Variants in DNAI7 observed in about 807,000 individuals in gnomAD.
The protein encoded by DNAI7 is cancer susceptibility 1.
A neutral mutation model predicts 86.6 loss-of-function variants in DNAI7; 78 were observed. That is an observed-to-expected ratio of 0.90 (90% CI 0.75 to 1.09). The LOEUF (loss-of-function observed/expected upper bound fraction) is 1.09, where lower values mean the gene tolerates loss of function less well. Ranked by LOEUF, DNAI7 falls within the 50% of genes least tolerant of loss-of-function variation. DNAI7 has a pLI of 0.00. For synonymous variants in DNAI7, 274 were observed against 273.0 expected (o/e 1.00, Z -0.04); for missense variants, 753 against 810.2 (o/e 0.93, Z 0.86).
chr12:25,181,212 G>A (rs1049598580), intron 2 of DNAI7, among the ~76,000 whole-genome samples: 1 of 152,116 alleles, frequency 6.6e-6, no homozygotes, highest in South Asian at 2.1e-4. Flanking sequence ...CTGGGCTCAC[G>A]CAATTCTCCC....
chr12:25,171,470 A>G (rs1348644225), intron 2 of DNAI7, among the ~76,000 whole-genome samples: 1 of 152,168 alleles, frequency 6.6e-6, no homozygotes, highest in Non-Finnish European at 1.5e-5. Context: ...TGAGATTGAA[A>G]TGGTAATTTA....
At chr12:25,132,235 T>TA (rs1268225485) in intron 9 of DNAI7, among the ~76,000 whole-genome samples, 4 of 152,086 alleles carry the variant, frequency 2.6e-5, no homozygotes, top group Admixed American at 2.0e-4. Flanking sequence ...GTATAGACAG[T>TA]AAAAAAATCA....
chr12:25,143,409 C>T (rs182451198), intron 9 of DNAI7, among the ~76,000 whole-genome samples: 110 of 152,082 alleles, frequency 7.2e-4, no homozygotes, highest in Non-Finnish European at 1.3e-3. Context: ...CCACCACGCC[C>T]GGCTAATTTT....
intron 12 of DNAI7, among the ~76,000 whole-genome samples, chr12:25,115,659 C>G (rs1939940548): frequency 6.6e-6 from 1 of 152,142 alleles, no homozygotes; most frequent in Non-Finnish European, 1.5e-5. Context: ...TGGCTATCAT[C>G]AAAAAGATAA....
At chr12:25,107,126 C>CCTG, downstream of DNAI7, 1 of 675,630 alleles carries the variant, frequency 1.5e-6, no homozygotes, top group Non-Finnish European at 2.4e-6. Context: ...AGTATTAATC[C>CCTG]TAATCAAATT....
intron 6 of DNAI7, among the ~76,000 whole-genome samples, chr12:25,153,358 T>C (rs2140951748): frequency 6.6e-6 from 1 of 152,238 alleles, no homozygotes; most frequent in East Asian, 1.9e-4. Context: ...GAGGTAGAGG[T>C]TGCGGTAAGC....
intron 11 of DNAI7, among the ~76,000 whole-genome samples, chr12:25,120,064 A>G (rs1355353146): frequency 6.6e-6 from 1 of 152,180 alleles, no homozygotes; most frequent in Non-Finnish European, 1.5e-5. Context: ...GTCAATAACA[A>G]CAGATCTTTA....
chr12:25,118,973 TTTTAAACTCCAACACTTA>T (rs1940735820), intron 12 of DNAI7, among the ~76,000 whole-genome samples, 154 bp downstream of exon 12: 1 of 152,180 alleles, frequency 6.6e-6, no homozygotes. Flanking sequence ...ACTCAGCAAA[TTTTAAACTCCAACACTTA>T]TTCATTTCCA....
intron 2 of DNAI7, among the ~76,000 whole-genome samples, chr12:25,188,832 G>C (rs1306743903): frequency 1.3e-5 from 2 of 152,174 alleles, no homozygotes; most frequent in Non-Finnish European, 2.9e-5. Flanking sequence ...AAAACAATGA[G>C]TTTTCGGATT....
chr12:25,128,532 G>T (rs1942449023), intron 9 of DNAI7, among the ~76,000 whole-genome samples: 1 of 152,062 alleles, frequency 6.6e-6, no homozygotes, highest in Admixed American at 6.6e-5. Flanking sequence ...ACTTTCCTCT[G>T]AACTCCAGGT....
intron 11 of DNAI7, 90 bp from the exon 12 acceptor site, chr12:25,119,391 T>C: frequency 2.8e-6 from 2 of 708,958 alleles, no homozygotes; most frequent in East Asian, 2.7e-5. Flanking sequence ...TAGTTATTTT[T>C]AATAAGCACT....
chr12:25,122,642 A>G (rs1318587707), intron 10 of DNAI7, among the ~76,000 whole-genome samples: 1 of 152,162 alleles, frequency 6.6e-6, no homozygotes, highest in Non-Finnish European at 1.5e-5. Context: ...AGACATCGCT[A>G]TTGCCTTGAC....
intron 11 of DNAI7, 82 bp downstream of exon 11, chr12:25,121,671 A>T (rs76991545): frequency 0.079 from 89,438 of 1,133,996 alleles, 4,102 homozygotes; most frequent in South Asian, 0.13. Flanking sequence ...GTTAAAGCTT[A>T]TTAGATGTTA....
At chr12:25,116,438 T>A (rs1431090164) in intron 12 of DNAI7, among the ~76,000 whole-genome samples, 6 of 152,112 alleles carry the variant, frequency 3.9e-5, no homozygotes, top group Non-Finnish European at 7.4e-5. Flanking sequence ...ATTACTGAAG[T>A]TGTAGAGTGA....
chr12:25,143,774 C>T (rs1234237068), intron 9 of DNAI7, among the ~76,000 whole-genome samples: 1 of 152,106 alleles, frequency 6.6e-6, no homozygotes, highest in Non-Finnish European at 1.5e-5. Context: ...CTGCTTAGCT[C>T]TGAGAAAGTA....
At chr12:25,132,943 T>G (rs1943100716) in intron 9 of DNAI7, among the ~76,000 whole-genome samples, 1 of 140,742 alleles carries the variant, frequency 7.1e-6, no homozygotes, top group Non-Finnish European at 1.5e-5. Flanking sequence ...TATTTGCCTT[T>G]CAGCTTTGTT....
chr12:25,112,558 C>T (rs1052416001), intron 13 of DNAI7, among the ~76,000 whole-genome samples: 2 of 151,870 alleles, frequency 1.3e-5, no homozygotes, highest in Non-Finnish European at 2.9e-5. Flanking sequence ...AGGCGCCCAC[C>T]ACCACACCCG....
Position 25,111,875 on chromosome 12 carries a change from C to T in DNAI7, c.1676G>A (p.Gly559Glu). 6.2e-7 allele frequency: 1 copy of T among 1,607,428 alleles called. No individual in the cohort carries two copies. Among genetic ancestry groups the T allele is most frequent in the Non-Finnish European group, 8.5e-7 (1 of 1,176,398 alleles). The change falls in exon 14 of 16, where the codon GGA (glycine) becomes GAA (glutamate). Residue 559 changes from glycine to glutamate, a missense_variant. Transcript: ENST00000395987. ...GAAAGGAATAGGAGTCATCCAGGTT[C>T]CTTCCAAAATAGAGATGTGTTTCTT... ...KDKKHISILE[G>E]TWMTPIPFII...
Position 25,159,301 on chromosome 12 carries a change from AC to A in DNAI7, c.107-739del, listed in dbSNP as rs774060434. Among the ~76,000 whole-genome samples, 133 of 152,146 alleles carry A rather than the reference AC, an allele frequency of 8.7e-4. 1 individual carries two copies. Among genetic ancestry groups the A allele is most frequent in the Admixed American group, 1.6e-3 (24 of 15,272 alleles). On this transcript the variant is annotated intron_variant, in intron 3 of 15. Coordinates refer to ENST00000395987, the MANE Select transcript of DNAI7 (RefSeq NM_018272.5). The stretch of plus-strand genomic sequence containing the variant: ...TTTATTCGATTTGAGTATGTTTTTG[AC>A]CTGCCAGGGTCTGTGAAACAAAATA...
Sources: gnomAD v4.1 joint callset for allele counts (sites outside exome capture counted in the v4.1 genomes callset) on GRCh38, gnomAD v4.1.1 for gene constraint, MANE v1.5 for transcripts, NCBI Gene and HGNC (gene_info 2026-07-23, HGNC 2026-07-21) for gene names.